ENTREP2: variants seen among roughly 807,000 people sequenced by gnomAD.
ENTREP2 encodes the protein protein ENTREP2.
the ENTREP2 span, among the ~76,000 whole-genome samples, chr15:29,127,901 T>C: frequency 3.3e-5 from 5 of 152,194 alleles, no homozygotes; most frequent in African/African-American, 1.2e-4. Context: ...GGAAAGTCAC[T>C]GAATACCTTC....
At chr15:29,657,406 G>C in the ENTREP2 span, among the ~76,000 whole-genome samples, 1 of 133,802 alleles carries the variant, frequency 7.5e-6, no homozygotes, top group Non-Finnish European at 1.5e-5. Context: ...AGCAGTAGCA[G>C]CTATAAAGAA....
chr15:29,622,739 C>G, the ENTREP2 span, among the ~76,000 whole-genome samples: 1 of 152,168 alleles, frequency 6.6e-6, no homozygotes, highest in Admixed American at 6.5e-5. Context: ...TGGAAGTTTA[C>G]TTAAACCCCG....
the ENTREP2 span, among the ~76,000 whole-genome samples, chr15:29,400,731 G>A: frequency 6.6e-6 from 1 of 152,190 alleles, no homozygotes; most frequent in African/African-American, 2.4e-5. Context: ...AATTTAAAAT[G>A]TATACGTTTA....
At chr15:29,502,077 T>A in the ENTREP2 span, among the ~76,000 whole-genome samples, 4 of 151,888 alleles carry the variant, frequency 2.6e-5, no homozygotes, top group African/African-American at 7.2e-5. Flanking sequence ...GCAATTCCTA[T>A]CAAAAATCTC....
the ENTREP2 span, chr15:29,234,640 AC>A: frequency 1.9e-6 from 3 of 1,561,310 alleles, no homozygotes; most frequent in South Asian, 3.3e-5. Context: ...CAAACCACCT[AC>A]CAGTTCTATC....
the ENTREP2 span, among the ~76,000 whole-genome samples, chr15:29,338,470 A>G: frequency 6.6e-6 from 1 of 151,492 alleles, no homozygotes; most frequent in African/African-American, 2.4e-5. Flanking sequence ...CCAGGCAGGC[A>G]CAGATGGCCA....
chr15:29,594,936 C>T, the ENTREP2 span, among the ~76,000 whole-genome samples: 2 of 151,854 alleles, frequency 1.3e-5, no homozygotes, highest in South Asian at 2.1e-4. Context: ...GGCGTGGTGG[C>T]AGGCACGTGT....
the ENTREP2 span, among the ~76,000 whole-genome samples, chr15:29,180,143 G>A: frequency 6.6e-6 from 1 of 152,136 alleles, no homozygotes; most frequent in Non-Finnish European, 1.5e-5. Context: ...GTCTCAATGT[G>A]TCCAGCAGAC....
At chr15:29,528,689 T>A in the ENTREP2 span, among the ~76,000 whole-genome samples, 3 of 149,674 alleles carry the variant, frequency 2.0e-5, no homozygotes, top group African/African-American at 7.7e-5. Flanking sequence ...TAATTCTAGA[T>A]AGTAGGATTA....
At chr15:29,262,612 C>T in the ENTREP2 span, among the ~76,000 whole-genome samples, 3 of 152,240 alleles carry the variant, frequency 2.0e-5, no homozygotes, top group Non-Finnish European at 2.9e-5. Flanking sequence ...CACACCTTCC[C>T]CATACCTTGC....
the ENTREP2 span, among the ~76,000 whole-genome samples, chr15:29,392,137 A>AT: frequency 3.6e-4 from 47 of 130,338 alleles, 1 homozygote; most frequent in African/African-American, 1.3e-3. Context: ...CTTTTTTTGT[A>AT]TTTTTTAGTG....
chr15:29,356,296 ATTTTTTTTTTTTT>A, the ENTREP2 span, among the ~76,000 whole-genome samples: 247 of 34,356 alleles, frequency 7.2e-3, 3 homozygotes, highest in African/African-American at 0.021. Flanking sequence ...ATATATATAT[ATTTTTTTTTTTTT>A]TTTTTTTTTT....
chr15:29,289,496 C>T, the ENTREP2 span, among the ~76,000 whole-genome samples: 1 of 151,528 alleles, frequency 6.6e-6, no homozygotes, highest in African/African-American at 2.4e-5. Context: ...CTGGCATTAT[C>T]TACTAAAGTT....
the ENTREP2 span, among the ~76,000 whole-genome samples, chr15:29,280,659 G>C: frequency 5.9e-5 from 9 of 152,206 alleles, no homozygotes; most frequent in Non-Finnish European, 8.8e-5. Flanking sequence ...TCATCAGGAA[G>C]GAAGAGAGCA....
chr15:29,584,163 G>C, the ENTREP2 span, among the ~76,000 whole-genome samples: 1 of 147,348 alleles, frequency 6.8e-6, no homozygotes, highest in African/African-American at 2.4e-5. Context: ...GAAAATAAAT[G>C]TATATATTTA....
the ENTREP2 span, among the ~76,000 whole-genome samples, chr15:29,138,574 C>T: frequency 2.2e-5 from 2 of 89,542 alleles, no homozygotes; most frequent in East Asian, 6.9e-4. Flanking sequence ...TGTGTATGTG[C>T]ATGTGCATGT....
chr15:29,312,479 G>A, the ENTREP2 span, among the ~76,000 whole-genome samples: 1 of 152,080 alleles, frequency 6.6e-6, no homozygotes, highest in Non-Finnish European at 1.5e-5. Flanking sequence ...GCCCTATATT[G>A]AGTAAGTCTA....
chr15:29,356,405 C>CA, the ENTREP2 span, among the ~76,000 whole-genome samples: 2 of 141,772 alleles, frequency 1.4e-5, no homozygotes, highest in African/African-American at 2.6e-5. Flanking sequence ...CTCCTGGGTT[C>CA]ACGCCATTCT....
the ENTREP2 span, among the ~76,000 whole-genome samples, chr15:29,274,343 C>A: frequency 6.6e-6 from 1 of 152,292 alleles, no homozygotes; most frequent in East Asian, 1.9e-4. Context: ...GGCTCTATAG[C>A]GAGTAAGTGG....
Sources: gnomAD v4.1 joint callset for allele counts (sites outside exome capture counted in the v4.1 genomes callset) on GRCh38, gnomAD v4.1.1 for gene constraint, MANE v1.5 for transcripts, NCBI Gene and HGNC (gene_info 2026-07-23, HGNC 2026-07-21) for gene names.